The following ADIG variants were observed in gnomAD, a reference collection of about 807,000 sequenced individuals.
ADIG encodes adipogenesis associated.
ADIG carries 12 observed loss-of-function variants against 10.7 expected under a neutral mutation model. The observed-to-expected ratio is 1.12, with a 90% CI of 0.72 to 1.82. The LOEUF (loss-of-function observed/expected upper bound fraction) is 1.82, where lower values mean the gene tolerates loss of function less well. Among genes scored for constraint, ADIG ranks in the 40% most tolerant of loss-of-function variants. The pLI is 0.00. For synonymous variants in ADIG, 32 were observed against 35.6 expected, an observed-to-expected ratio of 0.90 and a Z score of 0.36; for missense variants, 72 against 92.5, an observed-to-expected ratio of 0.78 and a Z score of 0.91.
At chr20:38,584,197 TG>T (rs2088614355) in intron 1 of ADIG, among the ~76,000 whole-genome samples, 1 of 151,590 alleles carries the variant, frequency 6.6e-6, no homozygotes, top group African/African-American at 2.4e-5. Flanking sequence ...GAGGAGCAAA[TG>T]GGGAGGAAAG....
intron 1 of ADIG, among the ~76,000 whole-genome samples, chr20:38,582,579 T>A (rs1421385692): frequency 6.6e-6 from 1 of 152,206 alleles, no homozygotes; most frequent in Non-Finnish European, 1.5e-5. Context: ...TAGGGGCTTA[T>A]AATTATGTAA....
intron 2 of ADIG, among the ~76,000 whole-genome samples, chr20:38,586,415 C>T (rs942212625): frequency 6.6e-6 from 1 of 152,204 alleles, no homozygotes; most frequent in Non-Finnish European, 1.5e-5. Context: ...CCTAGGGCCT[C>T]ACCCCCCACC....
At chr20:38,586,422 C>T (rs1225536817) in intron 2 of ADIG, among the ~76,000 whole-genome samples, 1 of 152,188 alleles carries the variant, frequency 6.6e-6, no homozygotes, top group Non-Finnish European at 1.5e-5. Context: ...CCTCACCCCC[C>T]ACCACTTTCC....
Position 38,581,240 on chromosome 20 carries a change from A to G in ADIG, c.-11A>G. On this transcript the variant is annotated 5_prime_UTR_variant, in exon 1 of 3. Transcript: ENST00000537425. The stretch of plus-strand genomic sequence containing the variant: ...CAGCCCAGGCTGGCCCAGCTTAGCC[A>G]CACATGCGCCATGAAGTACCCTTTG... The G allele has an allele frequency of 6.2e-7, 1 of 1,604,736 alleles. No homozygotes were observed. The highest frequency in any genetic ancestry group is 8.5e-7 in the Non-Finnish European group (1 of 1,175,320).
At chr20:38,587,836 C>T (rs1051539956) in intron 2 of ADIG, among the ~76,000 whole-genome samples, 11 of 151,228 alleles carry the variant, frequency 7.3e-5, no homozygotes, top group Admixed American at 6.6e-4. Flanking sequence ...CTCCCCAGTT[C>T]AAGCAATTCT....
chr20:38,588,412 AT>A lies in ADIG; in HGVS notation c.*327del, dbSNP rs1364027350. 4.9e-6 allele frequency: 6 copies of A among 1,227,934 alleles called. No homozygotes were observed. The African/African-American group carries it at 7.9e-5, about 16-fold the overall frequency. 76.1% of individuals were successfully genotyped at this position (1,227,934 alleles called of 1,614,324 possible). A position where few individuals can be genotyped will look rare whatever the true frequency, so the allele number is the denominator to read the frequency against. On this transcript the variant is annotated 3_prime_UTR_variant, in exon 3 of 3. Coordinates refer to ENST00000537425, the MANE Select transcript of ADIG (RefSeq NM_001393816.1). ...GGGCTGGGCCGGAGGGTGTGGGTCC[AT>A]ATTAAAGAAGCAAGGGTCTTCCCAT...
intron 2 of ADIG, among the ~76,000 whole-genome samples, chr20:38,586,971 G>T (rs958731604): frequency 6.6e-6 from 1 of 152,094 alleles, no homozygotes; most frequent in African/African-American, 2.4e-5. Context: ...AGTGGGGTTA[G>T]ATGCCATCTC....
At chr20:38,585,355 A>G (rs2088627161) in intron 1 of ADIG, 1 of 1,499,036 alleles carries the variant, frequency 6.7e-7, no homozygotes, top group Non-Finnish European at 9.1e-7. Flanking sequence ...TTCAAAACAA[A>G]TTGGGGAATG....
chr20:38,587,931 T>G (rs1401378687), intron 2 of ADIG, among the ~76,000 whole-genome samples, 170 bp from the exon 3 acceptor site: 1 of 152,038 alleles, frequency 6.6e-6, no homozygotes, highest in Admixed American at 6.5e-5. Flanking sequence ...AGAGACAAGG[T>G]TTCACCATAT....
At chr20:38,587,253 C>T (rs148171105) in intron 2 of ADIG, among the ~76,000 whole-genome samples, 7 of 150,306 alleles carry the variant, frequency 4.7e-5, no homozygotes, top group African/African-American at 1.8e-4. Flanking sequence ...ACGTGTCCGC[C>T]TTTCTCTGCC....
intron 1 of ADIG, among the ~76,000 whole-genome samples, chr20:38,584,385 C>T (rs1191210134): frequency 1.3e-5 from 2 of 152,150 alleles, no homozygotes; most frequent in Admixed American, 1.3e-4. Context: ...TTTCCTTTTG[C>T]GATTTGAAAG....
intron 1 of ADIG, among the ~76,000 whole-genome samples, chr20:38,584,810 G>A (rs967887292): frequency 3.3e-5 from 5 of 150,762 alleles, no homozygotes; most frequent in Admixed American, 6.6e-5. Context: ...ACGGAGTCTC[G>A]CTCTGTCACC....
chr20:38,583,326 A>G (rs985611720), intron 1 of ADIG, among the ~76,000 whole-genome samples: 4 of 152,222 alleles, frequency 2.6e-5, no homozygotes, highest in Non-Finnish European at 5.9e-5. Flanking sequence ...TCTGTGAACT[A>G]CTTAAGAGAG....
chr20:38,585,720 C>T (rs888057122), intron 1 of ADIG: 9 of 636,184 alleles, frequency 1.4e-5, no homozygotes, highest in Non-Finnish European at 1.9e-5. Flanking sequence ...GGGTCAATAA[C>T]TGTGTCTCTT....
At chr20:38,585,431 G>A (rs563176467) in intron 1 of ADIG, 58 of 1,550,330 alleles carry the variant, frequency 3.7e-5, no homozygotes, top group East Asian at 2.7e-4. Context: ...ATAATATACC[G>A]TAGATATTCT....
chr20:38,582,500 G>A lies in ADIG; in HGVS notation c.124+1126G>A, dbSNP rs534217205. On this transcript the variant is annotated intron_variant, in intron 1 of 2. Transcript: ENST00000537425. The stretch of plus-strand genomic sequence containing the variant: ...GGGCGCAGCACATGCCGCCAGCAAT[G>A]GTCAGATGTTGTTGAGGCAGGGTGA... Among the ~76,000 whole-genome samples, 11 of 152,298 alleles carry A rather than the reference G, an allele frequency of 7.2e-5. No individual in the cohort carries two copies. The South Asian group carries it at 2.3e-3, about 32-fold the overall frequency.
rs780283548 is a variant in ADIG at position 38,586,176 on chromosome 20, G to C, written c.*14+15G>C. The C allele has an allele frequency of 1.3e-6, 2 of 1,558,434 alleles. No individual in the cohort carries two copies. Among genetic ancestry groups the C allele is most frequent in the South Asian group, 2.4e-5 (2 of 84,664 alleles). On this transcript the variant is annotated intron_variant, in intron 2 of 2. Coordinates refer to ENST00000537425, the MANE Select transcript of ADIG (RefSeq NM_001393816.1). Reference sequence around the variant, plus strand: ...TGCTGTGCCAGGTGAGGCCCTTCCAGGGGCCAGGGGGAGCCTCAAGGCCCA... The same window carrying C: ...TGCTGTGCCAGGTGAGGCCCTTCCACGGGCCAGGGGGAGCCTCAAGGCCCA...
At chr20:38,585,431 G>C in intron 1 of ADIG, 1 of 1,550,330 alleles carries the variant, frequency 6.5e-7, no homozygotes, top group Non-Finnish European at 8.7e-7. Flanking sequence ...ATAATATACC[G>C]TAGATATTCT....
intron 1 of ADIG, chr20:38,585,383 C>T: frequency 6.5e-7 from 1 of 1,545,958 alleles, no homozygotes; most frequent in African/African-American, 1.4e-5. Flanking sequence ...ATTTGCTTTT[C>T]AAAACAAAAA....
Sources: gnomAD v4.1 joint callset for allele counts (sites outside exome capture counted in the v4.1 genomes callset) on GRCh38, gnomAD v4.1.1 for gene constraint, MANE v1.5 for transcripts, NCBI Gene and HGNC (gene_info 2026-07-23, HGNC 2026-07-21) for gene names.